IMMP2L: variants seen among roughly 807,000 people sequenced by gnomAD.
IMMP2L encodes inner mitochondrial membrane peptidase subunit 2.
A neutral mutation model predicts 19.3 loss-of-function variants in IMMP2L; 18 were observed. That is an observed-to-expected ratio of 0.93 (90% CI 0.64 to 1.38). The LOEUF is 1.38. IMMP2L is among the 40% of genes most tolerant of loss of function. The probability of loss-of-function intolerance (pLI) is 0.00; values close to 1 mark genes in which losing one functional copy is unlikely to be tolerated. For synonymous variants in IMMP2L, 76 were observed against 73.0 expected (o/e 1.04, Z -0.21); for missense variants, 233 against 218.2 (o/e 1.07, Z -0.43).
intron 3 of IMMP2L, among the ~76,000 whole-genome samples, chr7:111,249,128 C>T (rs1442526756): frequency 4.7e-5 from 3 of 64,052 alleles, no homozygotes; most frequent in Non-Finnish European, 8.8e-5. Context: ...GCCTCGTTGC[C>T]GCCTTGCAGT....
At chr7:111,551,150 C>A (rs1849415836) in intron 1 of IMMP2L, among the ~76,000 whole-genome samples, 1 of 152,026 alleles carries the variant, frequency 6.6e-6, no homozygotes, top group Non-Finnish European at 1.5e-5. Flanking sequence ...GCAATGTGTC[C>A]CCCAGCGACA....
At chr7:111,352,098 A>T (rs114887439) in intron 3 of IMMP2L, among the ~76,000 whole-genome samples, 22 of 152,174 alleles carry the variant, frequency 1.4e-4, no homozygotes, top group Non-Finnish European at 2.5e-4. Flanking sequence ...ACCAAGACAT[A>T]TGTGTAAAAG....
At chr7:110,824,889 G>A (rs981769352) in intron 5 of IMMP2L, among the ~76,000 whole-genome samples, 4 of 152,084 alleles carry the variant, frequency 2.6e-5, no homozygotes, top group African/African-American at 9.7e-5. Context: ...AATAAAAGAG[G>A]AAGTCAAATT....
rs886812383 is a variant in IMMP2L at position 111,440,594 on chromosome 7, A to C, written c.239+46644T>G. ...CTAGGCTTTGTTGTTCCATTTATAG[A>C]GCACAGTCAGAGCATATTCAGCATA... is the stretch of plus-strand genomic sequence containing the variant. On this transcript the variant is annotated intron_variant, in intron 3 of 5. Coordinates refer to ENST00000405709, the MANE Select transcript of IMMP2L (RefSeq NM_032549.4). Among the ~76,000 whole-genome samples the C allele has an allele frequency of 5.9e-5, 9 of 151,856 alleles. 1 individual carries two copies. The highest frequency in any genetic ancestry group is 1.7e-4 in the African/African-American group (7 of 41,164).
chr7:111,120,687 A>G (rs909572043), intron 3 of IMMP2L, among the ~76,000 whole-genome samples: 1 of 152,252 alleles, frequency 6.6e-6, no homozygotes, highest in Non-Finnish European at 1.5e-5. Flanking sequence ...GTACATCTAC[A>G]GCAAGTTAAA....
At chr7:111,469,818 G>C (rs1260236198) in intron 3 of IMMP2L, among the ~76,000 whole-genome samples, 1 of 152,004 alleles carries the variant, frequency 6.6e-6, no homozygotes, top group South Asian at 2.1e-4. Context: ...GCATGGGCAA[G>C]GACTTCATGT....
intron 3 of IMMP2L, among the ~76,000 whole-genome samples, chr7:111,164,584 G>C (rs1191795373): frequency 1.3e-5 from 2 of 152,020 alleles, no homozygotes; most frequent in Non-Finnish European, 2.9e-5. Context: ...TCAAGAACAG[G>C]GTAGTGATAC....
intron 5 of IMMP2L, among the ~76,000 whole-genome samples, chr7:110,737,142 C>G (rs1193182100): frequency 6.6e-6 from 1 of 152,198 alleles, no homozygotes; most frequent in Non-Finnish European, 1.5e-5. Flanking sequence ...CCAGGAACTA[C>G]AGCAGGAACA....
intron 3 of IMMP2L, among the ~76,000 whole-genome samples, chr7:111,202,238 A>G (rs753717896): frequency 1.3e-5 from 2 of 152,178 alleles, no homozygotes; most frequent in South Asian, 4.1e-4. Context: ...TCTTGGCAGA[A>G]AAAGTCAGTG....
chr7:110,747,979 G>A (rs1797468994), intron 5 of IMMP2L, among the ~76,000 whole-genome samples: 1 of 152,180 alleles, frequency 6.6e-6, no homozygotes, highest in East Asian at 1.9e-4. Context: ...AAGATGACAT[G>A]ATTGTATATT....
At chr7:111,389,800 C>A (rs1832155587) in intron 3 of IMMP2L, among the ~76,000 whole-genome samples, 1 of 151,958 alleles carries the variant, frequency 6.6e-6, no homozygotes, top group Non-Finnish European at 1.5e-5. Context: ...CTATGAAGGG[C>A]CACAATCTGC....
chr7:111,054,081 C>T (rs923790248), intron 3 of IMMP2L, among the ~76,000 whole-genome samples: 2 of 151,980 alleles, frequency 1.3e-5, no homozygotes, highest in African/African-American at 2.4e-5. Flanking sequence ...AGAAGCAAAT[C>T]AGTGCACTAA....
chr7:111,473,918 C>T (rs1372801021), intron 3 of IMMP2L, among the ~76,000 whole-genome samples: 1 of 152,104 alleles, frequency 6.6e-6, no homozygotes, highest in East Asian at 1.9e-4. Flanking sequence ...TGGAATCAAC[C>T]TAGGTGCCCA....
chr7:110,701,811 C>A (rs1470912288), intron 5 of IMMP2L, among the ~76,000 whole-genome samples: 1 of 152,166 alleles, frequency 6.6e-6, no homozygotes, highest in Non-Finnish European at 1.5e-5. Context: ...AAATTGCAAA[C>A]CAGGATTTAA....
intron 3 of IMMP2L, among the ~76,000 whole-genome samples, chr7:111,486,453 G>A (rs1842661512): frequency 6.6e-6 from 1 of 152,088 alleles, no homozygotes; most frequent in Non-Finnish European, 1.5e-5. Context: ...CAAATCAAAT[G>A]GCAGTAACAC....
At chr7:111,115,655 A>G (rs1799795455) in intron 3 of IMMP2L, among the ~76,000 whole-genome samples, 1 of 151,432 alleles carries the variant, frequency 6.6e-6, no homozygotes, top group South Asian at 2.1e-4. Flanking sequence ...TATTTTTATT[A>G]TTTATTTTTA....
In IMMP2L at chr7:111,432,965, GA is replaced by G. The variant is rs543323034; in HGVS notation, c.239+54272del. Among the ~76,000 whole-genome samples, 698 of 137,532 alleles carry G rather than the reference GA, an allele frequency of 5.1e-3. 19 individuals are homozygous for G. The highest frequency in any genetic ancestry group is 0.016 in the African/African-American group (594 of 37,284). The allele number at this position is 137,532 out of a possible 152,430, so 90.2% of individuals were successfully genotyped here. A position where few individuals can be genotyped will look rare whatever the true frequency, so the allele number is the denominator to read the frequency against. On this transcript the variant is annotated intron_variant, in intron 3 of 5. Coordinates refer to ENST00000405709, the MANE Select transcript of IMMP2L (RefSeq NM_032549.4). ...CACTTCCAACAGCTACAAAAAAAAA[GA>G]AAAAAAAAAACACACCTGGGAATAT...
chr7:110,779,813 T>C (rs1000150244), intron 5 of IMMP2L, among the ~76,000 whole-genome samples: 32 of 151,948 alleles, frequency 2.1e-4, no homozygotes, highest in African/African-American at 7.0e-4. Flanking sequence ...CCATGTGCCA[T>C]GCTGATAACA....
At chr7:110,995,211 C>A (rs1822903893) in intron 3 of IMMP2L, among the ~76,000 whole-genome samples, 1 of 151,970 alleles carries the variant, frequency 6.6e-6, no homozygotes, top group Admixed American at 6.6e-5. Context: ...ACCTTACGGG[C>A]TCCGTTAAAG....
Sources: allele counts gnomAD v4.1 joint callset (sites outside exome capture counted in the v4.1 genomes callset), GRCh38; gene constraint gnomAD v4.1.1; transcripts MANE v1.5; gene names NCBI Gene and HGNC (gene_info 2026-07-23, HGNC 2026-07-21).